The following RBMS3 variants were observed in gnomAD, a reference collection of about 807,000 sequenced individuals.
RBMS3 encodes RNA-binding motif, single-stranded-interacting protein 3.
RBMS3 carries 27 observed loss-of-function variants against 66.8 expected under a neutral mutation model. The observed-to-expected ratio is 0.40, with a 90% CI of 0.30 to 0.56. RBMS3 has a LOEUF of 0.56. Among genes scored for constraint, RBMS3 ranks in the 20% least tolerant of loss-of-function variants. The pLI is 0.40. For missense variants in RBMS3, 513 were observed against 549.5 expected (o/e 0.93, Z 0.66); for synonymous variants, 188 against 183.0 (o/e 1.03, Z -0.22).
chr3:29,704,664 C>T (rs2052791208), intron 4 of RBMS3, among the ~76,000 whole-genome samples: 1 of 152,078 alleles, frequency 6.6e-6, no homozygotes, highest in African/African-American at 2.4e-5. Flanking sequence ...TATATTTCTT[C>T]CTTAGCTCTG....
chr3:29,836,380 C>A (rs1389806338), intron 6 of RBMS3, among the ~76,000 whole-genome samples: 1 of 151,788 alleles, frequency 6.6e-6, no homozygotes, highest in Non-Finnish European at 1.5e-5. Context: ...ACTAGTGAAC[C>A]AAATTTAACA....
intron 1 of RBMS3, among the ~76,000 whole-genome samples, chr3:29,316,568 T>G (rs1214704197): frequency 6.6e-6 from 1 of 151,726 alleles, no homozygotes; most frequent in Admixed American, 6.6e-5. Context: ...CTGCTCTATG[T>G]AACATGAAAG....
At chr3:29,739,183 A>G (rs960286987) in intron 4 of RBMS3, among the ~76,000 whole-genome samples, 8 of 152,126 alleles carry the variant, frequency 5.3e-5, no homozygotes, top group African/African-American at 7.2e-5. Flanking sequence ...GCCGGACGTG[A>G]TGGCTCACAC....
At position 30,009,381 on chromosome 3, in the gene RBMS3, G is replaced by T. The variant is rs1204320873; in HGVS notation, c.*5519G>T. The T allele has an allele frequency of 5.9e-5, 9 of 151,960 alleles. No individual in the cohort carries two copies. Among genetic ancestry groups the T allele is most frequent in the African/African-American group, 2.2e-4 (9 of 41,350 alleles). 9.4% of individuals were successfully genotyped at this position (151,960 alleles called of 1,614,324 possible). A position where few individuals can be genotyped will look rare whatever the true frequency, so the allele number is the denominator to read the frequency against. ...TATAAAGTATTAATTTCTTAAGGGG[G>T]TTTGAAATCATTGGTAAAATTAATA... On this transcript the variant is annotated 3_prime_UTR_variant, in exon 15 of 15. Transcript: ENST00000383767.
At chr3:29,874,703 G>C (rs1329248612) in intron 7 of RBMS3, among the ~76,000 whole-genome samples, 1 of 152,140 alleles carries the variant, frequency 6.6e-6, no homozygotes, top group African/African-American at 2.4e-5. Context: ...TAGAGAGCAA[G>C]CTCAAGGTTA....
intron 4 of RBMS3, among the ~76,000 whole-genome samples, chr3:29,634,512 G>A (rs558644225): frequency 2.0e-5 from 3 of 151,930 alleles, no homozygotes; most frequent in African/African-American, 7.2e-5. Flanking sequence ...CTAACAAATG[G>A]CAAGTAGGTA....
intron 1 of RBMS3, among the ~76,000 whole-genome samples, chr3:29,297,280 C>T (rs983737480): frequency 7.9e-5 from 12 of 151,470 alleles, no homozygotes; most frequent in African/African-American, 2.2e-4. Context: ...TTTCAGTGTT[C>T]GGTGAAGAAT....
At chr3:29,354,240 T>G (rs1009065588) in intron 1 of RBMS3, among the ~76,000 whole-genome samples, 1 of 152,166 alleles carries the variant, frequency 6.6e-6, no homozygotes, top group African/African-American at 2.4e-5. Context: ...CTACTCTATC[T>G]CATTCCACAT....
At chr3:29,937,170 G>C (rs1036294470) in intron 11 of RBMS3, among the ~76,000 whole-genome samples, 1 of 151,980 alleles carries the variant, frequency 6.6e-6, no homozygotes, top group South Asian at 2.1e-4. Context: ...TGTAGTTTCT[G>C]TCAATTTTTG....
Position 29,775,682 on chromosome 3 carries a change from G to T in RBMS3, c.637+12693G>T, listed in dbSNP as rs184032004. 5.9e-5 allele frequency among the ~76,000 whole-genome samples: 9 copies of T among 152,136 alleles called. No individual in the cohort carries two copies. The East Asian group carries it at 1.5e-3, about 26-fold the overall frequency. On this transcript the variant is annotated intron_variant, in intron 6 of 14. Transcript: ENST00000383767. ...TCTTACATCTGGACTTCACCAGTGT[G>T]AGTGCTATTCACCATGTGGGACATA... is the stretch of plus-strand genomic sequence containing the variant.
intron 1 of RBMS3, among the ~76,000 whole-genome samples, chr3:29,390,328 A>G (rs1380168179): frequency 6.6e-6 from 1 of 152,156 alleles, no homozygotes; most frequent in Non-Finnish European, 1.5e-5. Context: ...TTGACACTGT[A>G]TTTACCAAAA....
At chr3:29,827,973 T>C (rs2058252952) in intron 6 of RBMS3, among the ~76,000 whole-genome samples, 1 of 152,196 alleles carries the variant, frequency 6.6e-6, no homozygotes, top group African/African-American at 2.4e-5. Context: ...CCCCTTGTTT[T>C]TACCCTTGAT....
chr3:29,590,692 T>C (rs2047700824), intron 4 of RBMS3, among the ~76,000 whole-genome samples: 1 of 152,064 alleles, frequency 6.6e-6, no homozygotes, highest in Non-Finnish European at 1.5e-5. Flanking sequence ...AAAAACTTAT[T>C]GGCCAAGGAA....
At chr3:29,611,429 C>T (rs868034376) in intron 4 of RBMS3, among the ~76,000 whole-genome samples, 29 of 151,984 alleles carry the variant, frequency 1.9e-4, no homozygotes, top group Admixed American at 9.9e-4. Context: ...CGGCTGTATT[C>T]TGCTCACAGT....
chr3:29,962,010 TA>T (rs1004925313), intron 12 of RBMS3, among the ~76,000 whole-genome samples: 1 of 145,800 alleles, frequency 6.9e-6, no homozygotes, highest in African/African-American at 2.5e-5. Flanking sequence ...ATATATTATA[TA>T]TTTTTATATA....
intron 4 of RBMS3, among the ~76,000 whole-genome samples, chr3:29,637,295 C>T (rs1285658117): frequency 6.6e-6 from 1 of 151,712 alleles, no homozygotes; most frequent in Non-Finnish European, 1.5e-5. Flanking sequence ...TTTAGGTTGC[C>T]ATAGGCAGAA....
intron 4 of RBMS3, among the ~76,000 whole-genome samples, chr3:29,647,203 T>C (rs970069948): frequency 2.4e-4 from 37 of 152,182 alleles, no homozygotes; most frequent in African/African-American, 8.4e-4. Flanking sequence ...GGTCTCGAAC[T>C]CCTGACCTCA....
At chr3:29,945,854 G>A (rs528762524) in intron 12 of RBMS3, among the ~76,000 whole-genome samples, 5 of 151,794 alleles carry the variant, frequency 3.3e-5, no homozygotes, top group African/African-American at 1.2e-4. Context: ...AAGTTCTAGA[G>A]CAGATAAATT....
chr3:29,925,356 A>T (rs944608095), intron 10 of RBMS3: 1 of 152,138 alleles, frequency 6.6e-6, no homozygotes, highest in Non-Finnish European at 1.5e-5. Flanking sequence ...CTCACTGGTT[A>T]AGCAGATGAC....
Sources: allele counts gnomAD v4.1 joint callset (sites outside exome capture counted in the v4.1 genomes callset), GRCh38; gene constraint gnomAD v4.1.1; transcripts MANE v1.5; gene names NCBI Gene and HGNC (gene_info 2026-07-23, HGNC 2026-07-21).